The following WASL variants were observed in gnomAD, a reference collection of about 807,000 sequenced individuals.
The protein encoded by WASL is actin nucleation-promoting factor WASL.
Under a neutral mutation model 55.5 loss-of-function variants are expected in WASL, and 20 were observed. That is an observed-to-expected ratio of 0.36 (90% CI 0.25 to 0.52). The LOEUF is 0.52. Ranked by LOEUF, WASL falls within the 20% of genes least tolerant of loss-of-function variation. The pLI is 0.92. For synonymous variants in WASL, 249 were observed against 217.6 expected, an observed-to-expected ratio of 1.14 and a Z score of -1.27; for missense variants, 504 against 622.5, an observed-to-expected ratio of 0.81 and a Z score of 2.03.
At chr7:123,738,619 T>C (rs998480980) in intron 1 of WASL, among the ~76,000 whole-genome samples, 31 of 152,224 alleles carry the variant, frequency 2.0e-4, no homozygotes, top group African/African-American at 7.0e-4. Context: ...CTAGATTTCA[T>C]CTATCGTGAA....
intron 10 of WASL, among the ~76,000 whole-genome samples, chr7:123,685,399 T>TA (rs905590119): frequency 2.6e-5 from 4 of 151,922 alleles, no homozygotes; most frequent in Non-Finnish European, 5.9e-5. Flanking sequence ...TTCTGTCCCT[T>TA]AAACTCACCA....
At chr7:123,707,819 G>C (rs142155255) in intron 2 of WASL, among the ~76,000 whole-genome samples, 79 of 152,280 alleles carry the variant, frequency 5.2e-4, no homozygotes, top group African/African-American at 1.8e-3. Context: ...CACTGCTAGT[G>C]ATTACTAGTA....
At chr7:123,729,356 G>C (rs931130017) in intron 1 of WASL, among the ~76,000 whole-genome samples, 1 of 152,008 alleles carries the variant, frequency 6.6e-6, no homozygotes, top group African/African-American at 2.4e-5. Context: ...AATAGCTCAT[G>C]TGGCTAATGG....
At chr7:123,699,553 T>C (rs775612090) in intron 5 of WASL, among the ~76,000 whole-genome samples, 6 of 152,214 alleles carry the variant, frequency 3.9e-5, no homozygotes, top group Non-Finnish European at 7.3e-5. Flanking sequence ...TATTATACTA[T>C]AGATGACTAG....
At chr7:123,737,484 T>TA (rs1804255060) in intron 1 of WASL, among the ~76,000 whole-genome samples, 2 of 151,390 alleles carry the variant, frequency 1.3e-5, no homozygotes, top group South Asian at 4.2e-4. Context: ...TAGTTCCAGC[T>TA]ACTCAGGAGG....
chr7:123,733,577 T>C (rs916968058), intron 1 of WASL, among the ~76,000 whole-genome samples: 3 of 152,170 alleles, frequency 2.0e-5, no homozygotes, highest in African/African-American at 4.8e-5. Context: ...ATAGATTCAA[T>C]AGAATCCCAG....
At chr7:123,693,685 G>C (rs1803449050) in intron 8 of WASL, among the ~76,000 whole-genome samples, 1 of 152,134 alleles carries the variant, frequency 6.6e-6, no homozygotes, top group African/African-American at 2.4e-5. Context: ...AATAAACTTG[G>C]CTGAGCATGG....
At position 123,732,908 on chromosome 7, in the gene WASL, T is replaced by C. The variant is rs147242816; in HGVS notation, c.117+15710A>G. On this transcript the variant is annotated intron_variant, in intron 1 of 10. Coordinates refer to ENST00000223023, the MANE Select transcript of WASL (RefSeq NM_003941.4). ...CTCAAAAGTCAACTAATATAACCTA[T>C]CATATCAATAGGCTAAAGAAAAACC... is the stretch of plus-strand genomic sequence containing the variant. Among the ~76,000 whole-genome samples, 5 of 152,084 alleles carry C rather than the reference T, an allele frequency of 3.3e-5. No individual in the cohort carries two copies. In the South Asian group the frequency reaches 6.2e-4, roughly 19 times the overall value.
At chr7:123,719,350 C>G (rs1803898061) in intron 1 of WASL, among the ~76,000 whole-genome samples, 1 of 152,132 alleles carries the variant, frequency 6.6e-6, no homozygotes, top group Non-Finnish European at 1.5e-5. Flanking sequence ...AATCCATGCT[C>G]CCAAAAGTGA....
chr7:123,716,381 A>G (rs1444562163), intron 1 of WASL, among the ~76,000 whole-genome samples: 3 of 151,932 alleles, frequency 2.0e-5, no homozygotes, highest in Non-Finnish European at 2.9e-5. Context: ...ATGCCCAGCT[A>G]ATTTTTGTAT....
chr7:123,734,387 C>G (rs1038137304), intron 1 of WASL, among the ~76,000 whole-genome samples: 1 of 152,004 alleles, frequency 6.6e-6, no homozygotes, highest in Non-Finnish European at 1.5e-5. Flanking sequence ...AAAAGATGGT[C>G]AACATCATAT....
Position 123,727,327 on chromosome 7 carries a change from T to C in WASL, c.118-18104A>G, listed in dbSNP as rs150348155. Among the ~76,000 whole-genome samples, 377 of 143,036 alleles carry C rather than the reference T, an allele frequency of 2.6e-3. 3 individuals are homozygous for C. The highest frequency in any genetic ancestry group is 9.1e-3 in the African/African-American group (350 of 38,532). The allele number at this position is 143,036 out of a possible 152,430, so 93.8% of individuals were successfully genotyped here. ...AGTGACAATGTAATTCCTGAGCTAT[T>C]TGCCCAAAAGAAATAAAAATATGTG... On this transcript the variant is annotated intron_variant, in intron 1 of 10. Coordinates refer to ENST00000223023, the MANE Select transcript of WASL (RefSeq NM_003941.4).
At chr7:123,723,338 A>T (rs575048135) in intron 1 of WASL, among the ~76,000 whole-genome samples, 17 of 152,330 alleles carry the variant, frequency 1.1e-4, no homozygotes, top group African/African-American at 3.8e-4. Flanking sequence ...AAAAATAAGA[A>T]AGATAACATT....
At chr7:123,733,078 G>C (rs184423217) in intron 1 of WASL, among the ~76,000 whole-genome samples, 4 of 152,132 alleles carry the variant, frequency 2.6e-5, no homozygotes, top group South Asian at 4.1e-4. Context: ...AGAAAAAGTA[G>C]ACTGTTCCTC....
intron 1 of WASL, among the ~76,000 whole-genome samples, chr7:123,741,106 A>T (rs1306682379): frequency 6.6e-6 from 1 of 152,116 alleles, no homozygotes; most frequent in Non-Finnish European, 1.5e-5. Context: ...GCACCCTGCG[A>T]TGGGATGATG....
At chr7:123,722,513 A>G (rs1000419287) in intron 1 of WASL, among the ~76,000 whole-genome samples, 3 of 152,202 alleles carry the variant, frequency 2.0e-5, no homozygotes, top group Non-Finnish European at 4.4e-5. Flanking sequence ...TAAAAAGGAG[A>G]TATGTTTAGA....
At chr7:123,736,720 T>C (rs1325388315) in intron 1 of WASL, among the ~76,000 whole-genome samples, 1 of 152,148 alleles carries the variant, frequency 6.6e-6, no homozygotes, top group Non-Finnish European at 1.5e-5. Context: ...AAGAAAAGTA[T>C]AAAAGTGCAG....
chr7:123,745,795 C>A (rs1804421224), intron 1 of WASL, among the ~76,000 whole-genome samples: 1 of 152,004 alleles, frequency 6.6e-6, no homozygotes, highest in African/African-American at 2.4e-5. Flanking sequence ...TGCTCCCTAA[C>A]AAACCTAACA....
chr7:123,695,064 C>T (rs1171172147), intron 7 of WASL, among the ~76,000 whole-genome samples, 196 bp from the exon 8 acceptor site: 1 of 151,484 alleles, frequency 6.6e-6, no homozygotes, highest in African/African-American at 2.4e-5. Flanking sequence ...TTTTTTGTTC[C>T]CTGCCTTCAA....
Sources: gnomAD v4.1 joint callset for allele counts (sites outside exome capture counted in the v4.1 genomes callset) on GRCh38, gnomAD v4.1.1 for gene constraint, MANE v1.5 for transcripts, NCBI Gene and HGNC (gene_info 2026-07-23, HGNC 2026-07-21) for gene names.